The following SDR42E2 variants were observed in gnomAD, a reference collection of about 807,000 sequenced individuals.
The protein encoded by SDR42E2 is short chain dehydrogenase/reductase family 42E, member 2, also known as putative short-chain dehydrogenase/reductase family 42E member 2.
Under a neutral mutation model 10.5 loss-of-function variants are expected in SDR42E2, and 20 were observed. The ratio of observed to expected loss-of-function variants is 1.90; its 90% CI spans 1.34 to 2.77. SDR42E2 has a LOEUF of 2.77. SDR42E2 is among the 30% of genes most tolerant of loss of function. The pLI is 0.00. For missense variants in SDR42E2, 162 were observed against 104.2 expected (o/e 1.55, Z -2.42); for synonymous variants, 72 against 39.2 (o/e 1.84, Z -3.12).
At chr16:22,182,933 A>T (rs149096861) in intron 10 of SDR42E2, among the ~76,000 whole-genome samples, 81 of 152,158 alleles carry the variant, frequency 5.3e-4, no homozygotes, top group Non-Finnish European at 8.8e-4. Context: ...TGAGCCCAGG[A>T]GTTCAAGGCT....
chr16:22,167,119 T>C (rs557257282), intron 4 of SDR42E2, 120 bp downstream of exon 4: 1 of 269,440 alleles, frequency 3.7e-6, no homozygotes, highest in Middle Eastern at 5.4e-4. Context: ...CTTGGGCTAC[T>C]CCCACCCTGC....
Position 22,169,464 on chromosome 16 carries a change from A to T in SDR42E2, c.356A>T (p.Glu119Val). The T allele has an allele frequency of 1.4e-6, 1 of 703,538 alleles. No homozygotes were observed. The highest frequency in any genetic ancestry group is 2.6e-6 in the Non-Finnish European group (1 of 385,126). 43.6% of individuals were successfully genotyped at this position (703,538 alleles called of 1,614,324 possible). ...TTTTAGCTGCAGAAAGAGCAGATTGAGTCTATAAATGTTGGAGGCACCAAA... is the reference window on the plus strand; with the variant it reads ...TTTTAGCTGCAGAAAGAGCAGATTGTGTCTATAAATGTTGGAGGCACCAAA... ...GAEKLQKEQI[E>V]SINVGGTKLV... The change falls in exon 5 of 13, where the codon GAG becomes GTG. Residue 119 changes from glutamate (E) to valine (V), a missense_variant. By Grantham distance (121) the Glu-to-Val change is moderately radical. Transcript: ENST00000602312.
At chr16:22,173,371 C>G (rs1370748892) in intron 7 of SDR42E2, among the ~76,000 whole-genome samples, 1 of 152,042 alleles carries the variant, frequency 6.6e-6, no homozygotes, top group Non-Finnish European at 1.5e-5. Flanking sequence ...AGGTGCATGC[C>G]ACCACACCTG....
intron 12 of SDR42E2, among the ~76,000 whole-genome samples, chr16:22,188,208 A>C (rs1349724470): frequency 7.9e-6 from 1 of 126,988 alleles, no homozygotes; most frequent in East Asian, 4.5e-4. Flanking sequence ...TGAAAAATTG[A>C]GCACTAGGAA....
At chr16:22,188,472 CT>C (rs766981842) in intron 12 of SDR42E2, among the ~76,000 whole-genome samples, 1 of 152,106 alleles carries the variant, frequency 6.6e-6, no homozygotes, top group African/African-American at 2.4e-5. Flanking sequence ...ACATTGTCCT[CT>C]CCATTTAGAG....
intron 8 of SDR42E2, among the ~76,000 whole-genome samples, 158 bp from the exon 9 acceptor site, chr16:22,181,361 T>TA (rs2046691822): frequency 6.6e-6 from 1 of 152,126 alleles, no homozygotes; most frequent in African/African-American, 2.4e-5. Context: ...AGTTTTCTGT[T>TA]AGACAACCCG....
intron 1 of SDR42E2, 43 bp from the exon 2 acceptor site, chr16:22,165,504 A>G (rs1223711191): frequency 7.5e-6 from 3 of 400,544 alleles, no homozygotes; most frequent in Middle Eastern, 3.1e-4. Context: ...ATGTGACTTG[A>G]AACGATTCTA....
At chr16:22,175,319 G>T (rs540608569) in intron 7 of SDR42E2, among the ~76,000 whole-genome samples, 1 of 152,214 alleles carries the variant, frequency 6.6e-6, no homozygotes, top group South Asian at 2.1e-4. Flanking sequence ...AAATGACCTG[G>T]TGTGGTGGTG....
chr16:22,178,063 C>CCT, intron 7 of SDR42E2, 67 bp from the exon 8 acceptor site: 3 of 675,576 alleles, frequency 4.4e-6, no homozygotes, highest in Non-Finnish European at 8.1e-6. Context: ...ATGGAGGTGG[C>CCT]CTCTCTCTCC....
chr16:22,177,274 A>G (rs932781678), intron 7 of SDR42E2, among the ~76,000 whole-genome samples: 17 of 152,164 alleles, frequency 1.1e-4, no homozygotes, highest in Admixed American at 3.3e-4. Flanking sequence ...TATCTATTAT[A>G]TAGTCCTTAT....
chr16:22,184,833 T>C (rs1345096028), intron 11 of SDR42E2, among the ~76,000 whole-genome samples: 1 of 152,018 alleles, frequency 6.6e-6, no homozygotes, highest in Non-Finnish European at 1.5e-5. Flanking sequence ...ATTGTAAAGA[T>C]GAGGTGACCC....
intron 1 of SDR42E2, among the ~76,000 whole-genome samples, chr16:22,163,518 CA>C (rs2046512338): frequency 1.3e-5 from 2 of 152,076 alleles, no homozygotes; most frequent in South Asian, 2.1e-4. Context: ...CCAGCCTGGC[CA>C]AAATGGTGAA....
intron 7 of SDR42E2, among the ~76,000 whole-genome samples, chr16:22,173,901 G>GTATATATATATATATATA (rs1294081743): frequency 1.2e-5 from 1 of 84,326 alleles, no homozygotes; most frequent in Non-Finnish European, 2.2e-5. Flanking sequence ...ATATATGTGT[G>GTATATATATATATATATA]TGTGTATATA....
chr16:22,171,724 G>C (rs957456532), intron 6 of SDR42E2, among the ~76,000 whole-genome samples: 2 of 152,022 alleles, frequency 1.3e-5, no homozygotes, highest in Non-Finnish European at 2.9e-5. Flanking sequence ...GTGGATACAG[G>C]TTTCATTGAG....
Position 22,177,107 on chromosome 16 carries a change from C to T in SDR42E2, c.590-1023C>T, listed in dbSNP as rs149043906. 1.8e-3 allele frequency among the ~76,000 whole-genome samples: 272 copies of T among 152,318 alleles called. 2 individuals carry two copies. The highest frequency in any genetic ancestry group is 5.5e-3 in the African/African-American group (227 of 41,568). On this transcript the variant is annotated intron_variant, in intron 7 of 12. Transcript: ENST00000602312. ...TGTGGACTTCAGGTCCCCATCTCAG[C>T]TCCACTGCGCTGATCTGTGTGACTG... is the stretch of plus-strand genomic sequence containing the variant.
chr16:22,190,680 TCCGCC>T lies in SDR42E2; in HGVS notation c.*290_*294del, dbSNP rs1162121198. The stretch of plus-strand genomic sequence containing the variant: ...CCCTCCGAAGTGGGCACGCTCCTGC[TCCGCC>T]CCCTGAATCCTGGCCACGTCCCTGG... On this transcript the variant is annotated 3_prime_UTR_variant, in exon 13 of 13. Coordinates refer to ENST00000602312, the MANE Select transcript of SDR42E2 (RefSeq NM_001394319.2). The T allele has an allele frequency of 8.6e-6, 3 of 347,266 alleles. No homozygotes were observed. Among genetic ancestry groups the T allele is most frequent in the Non-Finnish European group, 1.5e-5 (3 of 197,860 alleles). The allele number at this position is 347,266 out of a possible 1,614,324, so 21.5% of individuals were successfully genotyped here.
chr16:22,167,972 G>C (rs895774678), intron 4 of SDR42E2, among the ~76,000 whole-genome samples: 2 of 152,134 alleles, frequency 1.3e-5, no homozygotes, highest in African/African-American at 4.8e-5. Flanking sequence ...GCTGCCTCTG[G>C]GGAGGGAAAA....
At position 22,170,564 on chromosome 16, in the gene SDR42E2, G is replaced by T. The variant is rs577610306; in HGVS notation, c.395-269G>T. Among the ~76,000 whole-genome samples the T allele has an allele frequency of 4.6e-5, 7 of 152,174 alleles. No individual in the cohort carries two copies. In the East Asian group the frequency reaches 1.4e-3, roughly 29 times the overall value. ...GTAGCCCAGGGGTCCAAGCCACAAT[G>T]AGAAAGAATAAGGAGCAGACCTGGC... is the stretch of plus-strand genomic sequence containing the variant. On this transcript the variant is annotated intron_variant, in intron 5 of 12. Coordinates refer to ENST00000602312, the MANE Select transcript of SDR42E2 (RefSeq NM_001394319.2).
At chr16:22,182,435 C>T (rs1444468333) in intron 10 of SDR42E2, among the ~76,000 whole-genome samples, 158 bp downstream of exon 10, 1 of 152,110 alleles carries the variant, frequency 6.6e-6, no homozygotes, top group East Asian at 1.9e-4. Context: ...GCAACCTCCC[C>T]TCCCAGGTTC....
Sources: gnomAD v4.1 joint callset for allele counts (sites outside exome capture counted in the v4.1 genomes callset) on GRCh38, gnomAD v4.1.1 for gene constraint, MANE v1.5 for transcripts, NCBI Gene and HGNC (gene_info 2026-07-23, HGNC 2026-07-21) for gene names.